Variants in PIK3C2G observed in about 807,000 individuals in gnomAD.
PIK3C2G encodes the protein phosphatidylinositol-4-phosphate 3-kinase catalytic subunit type 2 gamma.
A neutral mutation model predicts 181.1 loss-of-function variants in PIK3C2G; 168 were observed. The observed-to-expected ratio is 0.93, with a 90% CI of 0.82 to 1.05. The LOEUF (loss-of-function observed/expected upper bound fraction) is 1.05, where lower values mean the gene tolerates loss of function less well. Among genes scored for constraint, PIK3C2G ranks in the 50% least tolerant of loss-of-function variants. The probability of loss-of-function intolerance (pLI) is 0.00; values close to 1 mark genes in which losing one functional copy is unlikely to be tolerated. For missense variants in PIK3C2G, 1,869 were observed against 1,732.8 expected, an observed-to-expected ratio of 1.08 and a Z score of -1.40; for synonymous variants, 573 against 592.2, an observed-to-expected ratio of 0.97 and a Z score of 0.47.
the PIK3C2G span, among the ~76,000 whole-genome samples, chr12:18,707,679 C>T: frequency 6.6e-6 from 1 of 152,176 alleles, no homozygotes; most frequent in Non-Finnish European, 1.5e-5. Context: ...TATGACTTCC[C>T]TAGTCATAAT....
Position 18,282,323 on chromosome 12 carries a change from C to T in PIK3C2G, c.242C>T (p.Ala81Val), listed in dbSNP as rs1417621082. Residue 81 changes from alanine (A) to valine (V), a missense_variant, in exon 2 of 33, where the codon GCA becomes GTA. Transcript: ENST00000538779. Reference protein sequence around the residue: ...WDSTGHSLNEAHQISLNEFTS... With the variant: ...WDSTGHSLNEVHQISLNEFTS... The stretch of plus-strand genomic sequence containing the variant: ...TCAACAGGGCATTCATTAAATGAAG[C>T]ACACCAAATATCCTTGAATGAATTC... The T allele has an allele frequency of 6.2e-7, 1 of 1,613,286 alleles. No individual in the cohort carries two copies. The highest frequency in any genetic ancestry group is 2.2e-5 in the East Asian group (1 of 44,878).
chr12:18,297,283 T>C (rs569651857), intron 5 of PIK3C2G, among the ~76,000 whole-genome samples: 4 of 152,206 alleles, frequency 2.6e-5, no homozygotes, highest in Admixed American at 2.6e-4. Flanking sequence ...ATTTTTTCTC[T>C]TATTACTCTC....
At chr12:18,482,044 C>G (rs1037248405) in intron 18 of PIK3C2G, among the ~76,000 whole-genome samples, 2 of 152,132 alleles carry the variant, frequency 1.3e-5, no homozygotes, top group Non-Finnish European at 2.9e-5. Context: ...AGGCTAGATT[C>G]TATAGTTTCA....
chr12:18,399,173 T>C (rs113591362), intron 15 of PIK3C2G, among the ~76,000 whole-genome samples: 11,290 of 133,208 alleles, frequency 0.085, 435 homozygotes, highest in African/African-American at 0.094. Flanking sequence ...CCAGCCTGGG[T>C]GACAGAGCGA....
At chr12:18,705,195 C>T in the PIK3C2G span, 2 of 1,613,888 alleles carry the variant, frequency 1.2e-6, no homozygotes, top group Non-Finnish European at 8.5e-7. Context: ...TCAGGAAAAT[C>T]ATCAAGCATA....
chr12:18,622,485 T>C (rs1369569684), intron 31 of PIK3C2G, among the ~76,000 whole-genome samples: 1 of 151,914 alleles, frequency 6.6e-6, no homozygotes, highest in Non-Finnish European at 1.5e-5. Context: ...GATTTCATAA[T>C]ATAGCTATTG....
At chr12:18,658,486 C>T in the PIK3C2G span, among the ~76,000 whole-genome samples, 75 of 152,148 alleles carry the variant, frequency 4.9e-4, no homozygotes, top group Middle Eastern at 0.01. Flanking sequence ...AGATTAATGG[C>T]TGATTGTTAC....
At chr12:18,636,159 A>G (rs1004414996) in intron 31 of PIK3C2G, among the ~76,000 whole-genome samples, 2 of 152,190 alleles carry the variant, frequency 1.3e-5, no homozygotes, top group Non-Finnish European at 2.9e-5. Context: ...CTGAGGTAGG[A>G]CAGTGAAGGT....
chr12:18,292,297 A>G (rs1949749287), intron 4 of PIK3C2G, among the ~76,000 whole-genome samples: 1 of 146,292 alleles, frequency 6.8e-6, no homozygotes, highest in Non-Finnish European at 1.5e-5. Flanking sequence ...TCAGCAAACA[A>G]TTAGGAATAT....
chr12:18,297,156 T>A (rs1949974966), intron 5 of PIK3C2G, among the ~76,000 whole-genome samples: 1 of 152,042 alleles, frequency 6.6e-6, no homozygotes, highest in Non-Finnish European at 1.5e-5. Context: ...CGTCCCTGCA[T>A]CTCTCTTTTT....
At chr12:18,604,927 A>G (rs1292675331) in intron 30 of PIK3C2G, among the ~76,000 whole-genome samples, 1 of 152,114 alleles carries the variant, frequency 6.6e-6, no homozygotes, top group Non-Finnish European at 1.5e-5. Context: ...CAGCCTGCCT[A>G]CATCAAAAAG....
At chr12:18,665,806 G>A in the PIK3C2G span, among the ~76,000 whole-genome samples, 17 of 151,702 alleles carry the variant, frequency 1.1e-4, no homozygotes, top group Non-Finnish European at 1.9e-4. Flanking sequence ...GTAGTGGTGC[G>A]CACCTGTAGT....
At chr12:18,265,053 G>A (rs1214496377) in intron 1 of PIK3C2G, among the ~76,000 whole-genome samples, 1 of 152,106 alleles carries the variant, frequency 6.6e-6, no homozygotes, top group South Asian at 2.1e-4. Flanking sequence ...ATAAGCATCA[G>A]CTTGATTATT....
At position 18,313,980 on chromosome 12, in the gene PIK3C2G, C is replaced by T. The variant is rs772437528; in HGVS notation, c.1053C>T (p.Ser351=). The change falls in exon 6 of 33, where the codon AGC becomes AGT. Residue 351 remains serine (S), a synonymous_variant. Transcript: ENST00000538779. ...EFLQNDHCLG[S]HKMFQKDKSV... is the part of the protein sequence containing the mutation. Reference sequence around the variant, plus strand: ...CCTTCAGCGACCACTGTTTGGGGAGCCACAAAATGTTTCAAAAAGATAAAT... The same window carrying T: ...CCTTCAGCGACCACTGTTTGGGGAGTCACAAAATGTTTCAAAAAGATAAAT... 1.3e-6 allele frequency: 2 copies of T among 1,583,994 alleles called. No individual in the cohort carries two copies. The highest frequency in any genetic ancestry group is 2.3e-5 in the South Asian group (2 of 86,522).
chr12:18,559,530 A>G (rs1945184286), intron 26 of PIK3C2G, among the ~76,000 whole-genome samples: 1 of 151,808 alleles, frequency 6.6e-6, no homozygotes, highest in Non-Finnish European at 1.5e-5. Flanking sequence ...TACTTTTTGC[A>G]TACTCTATTT....
intron 22 of PIK3C2G, among the ~76,000 whole-genome samples, chr12:18,501,715 A>C (rs1941497554): frequency 6.6e-6 from 1 of 152,254 alleles, no homozygotes; most frequent in African/African-American, 2.4e-5. Context: ...CATGATTACT[A>C]TAAATTAGAT....
chr12:18,701,917 T>A, the PIK3C2G span: 1 of 1,210,524 alleles, frequency 8.3e-7, no homozygotes, highest in Non-Finnish European at 1.1e-6. Flanking sequence ...CCCATACCCC[T>A]ATTCACATCT....
the PIK3C2G span, chr12:18,683,183 AT>A: frequency 1.4e-6 from 2 of 1,433,986 alleles, no homozygotes; most frequent in Non-Finnish European, 2.0e-6. Flanking sequence ...AAAGACATTC[AT>A]TTTGGCTGTT....
chr12:18,330,200 T>C (rs569986031), intron 8 of PIK3C2G, among the ~76,000 whole-genome samples: 1 of 152,232 alleles, frequency 6.6e-6, no homozygotes, highest in Non-Finnish European at 1.5e-5. Flanking sequence ...TGCACCCATG[T>C]TAAGTGGGTA....
Sources: allele counts gnomAD v4.1 joint callset (sites outside exome capture counted in the v4.1 genomes callset), GRCh38; gene constraint gnomAD v4.1.1; transcripts MANE v1.5; gene names NCBI Gene and HGNC (gene_info 2026-07-23, HGNC 2026-07-21).